MRPS16: variants seen among roughly 807,000 people sequenced by gnomAD.
The protein encoded by MRPS16 is mitochondrial ribosomal protein S16.
MRPS16 carries 5 observed loss-of-function variants against 11.0 expected under a neutral mutation model. That is an observed-to-expected ratio of 0.46 (90% CI 0.24 to 0.96). The LOEUF (loss-of-function observed/expected upper bound fraction) is 0.96, where lower values mean the gene tolerates loss of function less well. MRPS16 is among the 40% of genes least tolerant of loss of function. The pLI, the probability that MRPS16 is intolerant of heterozygous loss-of-function variation, is 0.20. For synonymous variants in MRPS16, 76 were observed against 65.0 expected (o/e 1.17, Z -0.81); for missense variants, 179 against 174.4 (o/e 1.03, Z -0.15).
chr10:73,252,640 C>A lies in MRPS16; in HGVS notation c.-158G>T. 9.8e-7 allele frequency: 1 copy of A among 1,023,140 alleles called. No individual in the cohort carries two copies. The highest frequency in any genetic ancestry group is 1.4e-6 in the Non-Finnish European group (1 of 691,468). 63.4% of individuals were successfully genotyped at this position (1,023,140 alleles called of 1,614,324 possible). On this transcript the variant is annotated 5_prime_UTR_variant, in exon 1 of 3. Coordinates refer to ENST00000372945, the MANE Select transcript of MRPS16 (RefSeq NM_016065.4). ...AGCCCGAAAACCTCGACTCCGGAAGCGGATGATCCGCTCGCCACGCCTCCT... is the reference window on the plus strand; with the variant it reads ...AGCCCGAAAACCTCGACTCCGGAAGAGGATGATCCGCTCGCCACGCCTCCT...
Position 73,251,882 on chromosome 10 carries a change from C to A in MRPS16, c.155G>T (p.Gly52Val), listed in dbSNP as rs766094473. ...PRDGRFVEQL[G>V]SYDPLPNSHG... ...ACTGTTGGGCAATGGATCATAGGAG[C>A]CCAGCTGCTCTACGAAACGGCCATC... Residue 52 changes from glycine to valine, a missense_variant, in exon 2 of 3, where the codon GGC becomes GTC. Coordinates refer to ENST00000372945, the MANE Select transcript of MRPS16 (RefSeq NM_016065.4). 1 of 1,614,118 alleles carries A rather than the reference C, an allele frequency of 6.2e-7. No individual in the cohort carries two copies. The highest frequency in any genetic ancestry group is 1.1e-5 in the South Asian group (1 of 91,074).
Position 73,252,539 on chromosome 10 carries a change from A to G in MRPS16, c.-57T>C. The G allele has an allele frequency of 1.9e-6, 3 of 1,598,800 alleles. No homozygotes were observed. The highest frequency in any genetic ancestry group is 2.5e-6 in the Non-Finnish European group (3 of 1,177,658). On this transcript the variant is annotated 5_prime_UTR_variant, in exon 1 of 3. Coordinates refer to ENST00000372945, the MANE Select transcript of MRPS16 (RefSeq NM_016065.4). ...CCCGCTACCCGCACGCACCAGCTCT[A>G]CGGCCTTGGCAGGGCAGAGAACAAA...
intron 2 of MRPS16, among the ~76,000 whole-genome samples, chr10:73,251,497 T>A (rs1287963325): frequency 4.3e-4 from 65 of 151,974 alleles, no homozygotes. Context: ...TGCCTCAGCC[T>A]CCCCAGTAGC....
chr10:73,249,343 A>G lies in MRPS16; in HGVS notation c.*1509T>C. 6.5e-7 allele frequency: 1 copy of G among 1,532,876 alleles called. No individual in the cohort carries two copies. Among genetic ancestry groups the G allele is most frequent in the Non-Finnish European group, 8.8e-7 (1 of 1,142,430 alleles). The allele number at this position is 1,532,876 out of a possible 1,614,324, so 95.0% of individuals were successfully genotyped here. A position where few individuals can be genotyped will look rare whatever the true frequency, so the allele number is the denominator to read the frequency against. On this transcript the variant is annotated 3_prime_UTR_variant, in exon 3 of 3. Coordinates refer to ENST00000372945, the MANE Select transcript of MRPS16 (RefSeq NM_016065.4). ...CCTAAGAATGGTTGTGAGTCAAATA[A>G]AAAAGTAGAACTAAAGTATACTGAA...
In MRPS16 at chr10:73,250,506, G is replaced by A; in HGVS notation, c.*346C>T. 2.9e-6 allele frequency: 1 copy of A among 350,464 alleles called. No homozygotes were observed. The allele number at this position is 350,464 out of a possible 1,614,324, so 21.7% of individuals were successfully genotyped here. The stretch of plus-strand genomic sequence containing the variant: ...TGGGATGAACATGAAGATCTGAATG[G>A]GCCATGAATAGTCTGGCTGGGGGTT... On this transcript the variant is annotated 3_prime_UTR_variant, in exon 3 of 3. Transcript: ENST00000372945.
Position 73,251,792 on chromosome 10 carries a change from T to G in MRPS16, c.245A>C (p.His82Pro). Residue 82 changes from histidine (H) to proline (P), a missense_variant, in exon 2 of 3, where the codon CAC becomes CCC. Transcript: ENST00000372945. ...AAGCTTTTCCATAGGCTTAGAGAGGTGGGCCCCGCAGCCAATCCAATGACG... is the reference window on the plus strand; with the variant it reads ...AAGCTTTTCCATAGGCTTAGAGAGGGGGGCCCCGCAGCCAATCCAATGACG... ...RIRHWIGCGAHLSKPMEKLLG... is the reference protein window; with the variant it reads ...RIRHWIGCGAPLSKPMEKLLG... The G allele has an allele frequency of 1.9e-6, 3 of 1,614,050 alleles. No homozygotes were observed. The highest frequency in any genetic ancestry group is 1.6e-4 in the Middle Eastern group (1 of 6,062).
At position 73,252,003 on chromosome 10, in the gene MRPS16, A is replaced by G. The variant is rs7905009; in HGVS notation, c.34T>C (p.Tyr12His). ...CGGATGGTTAAGTGGCCCCCACGGT[A>G]GGCCTTGCAGAGGAGAGTAGCTGTA... is the stretch of plus-strand genomic sequence containing the variant. ...VHLTTLLCKA[Y>H]RGGHLTIRLA... Residue 12 changes from tyrosine to histidine, a missense_variant, in exon 2 of 3, where the codon TAC becomes CAC. By Grantham distance (83) the Tyr-to-His change is moderately conservative. Coordinates refer to ENST00000372945, the MANE Select transcript of MRPS16 (RefSeq NM_016065.4). 17,532 of 1,613,948 alleles carry G rather than the reference A, an allele frequency of 0.011. 933 individuals are homozygous for G. The African/African-American group carries it at 0.15, about 14-fold the overall frequency.
Position 73,250,953 on chromosome 10 carries a change from T to G in MRPS16, c.313A>C (p.Thr105Pro). 1 of 1,614,214 alleles carries G rather than the reference T, an allele frequency of 6.2e-7. No homozygotes were observed. ...GFFPLHPMMI[T>P]NAERLRRKRA... The stretch of plus-strand genomic sequence containing the variant: ...TTCCTTCGCAGTCTCTCAGCATTTG[T>G]GATCATCATAGGATGCAGAGGGAAA... Residue 105 changes from threonine to proline, a missense_variant, in exon 3 of 3, where the codon ACA becomes CCA. By Grantham distance (38) the Thr-to-Pro change is conservative. Coordinates refer to ENST00000372945, the MANE Select transcript of MRPS16 (RefSeq NM_016065.4).
At position 73,249,366 on chromosome 10, in the gene MRPS16, GAA is replaced by G. The variant is rs1321686144; in HGVS notation, c.*1484_*1485del. 6.6e-7 allele frequency: 1 copy of G among 1,511,278 alleles called. No homozygotes were observed. Among genetic ancestry groups the G allele is most frequent in the South Asian group, 1.2e-5 (1 of 82,078 alleles). The allele number at this position is 1,511,278 out of a possible 1,614,324, so 93.6% of individuals were successfully genotyped here. A position where few individuals can be genotyped will look rare whatever the true frequency, so the allele number is the denominator to read the frequency against. On this transcript the variant is annotated 3_prime_UTR_variant, in exon 3 of 3. Transcript: ENST00000372945. ...TAAAAAAGTAGAACTAAAGTATACT[GAA>G]GTTATTCAAATACATTCAAACTATA...
Position 73,250,925 on chromosome 10 carries a change from C to T in MRPS16, c.341G>A (p.Arg114Gln), listed in dbSNP as rs778664879. The T allele has an allele frequency of 3.7e-6, 6 of 1,614,028 alleles. No homozygotes were observed. The highest frequency in any genetic ancestry group is 1.3e-5 in the African/African-American group (1 of 74,910). Residue 114 changes from arginine to glutamine, a missense_variant, in exon 3 of 3, where the codon CGG (arginine) becomes CAG (glutamine). Arg to Gln is a conservative substitution (Grantham distance 43). Coordinates refer to ENST00000372945, the MANE Select transcript of MRPS16 (RefSeq NM_016065.4). ...AGAAGCTAACAGGACTTCACGTGCC[C>T]GTTTCCTTCGCAGTCTCTCAGCATT... ...ITNAERLRRKRAREVLLASQK... is the reference protein window; with the variant it reads ...ITNAERLRRKQAREVLLASQK...
Position 73,250,794 on chromosome 10 carries a change from G to C in MRPS16, c.*58C>G. 1 of 1,599,928 alleles carries C rather than the reference G, an allele frequency of 6.3e-7. No individual in the cohort carries two copies. ...ATCTAACAAAATTAAGATCGCTGCA[G>C]TGTTTCAAAAGGACCTTGACCTTGT... On this transcript the variant is annotated 3_prime_UTR_variant, in exon 3 of 3. Coordinates refer to ENST00000372945, the MANE Select transcript of MRPS16 (RefSeq NM_016065.4).
Position 73,249,183 on chromosome 10 carries a change from G to C in MRPS16, c.*1669C>G. The C allele has an allele frequency of 8.9e-7, 1 of 1,123,188 alleles. No individual in the cohort carries two copies. Among genetic ancestry groups the C allele is most frequent in the Non-Finnish European group, 1.3e-6 (1 of 773,008 alleles). The allele number at this position is 1,123,188 out of a possible 1,614,324, so 69.6% of individuals were successfully genotyped here. A position where few individuals can be genotyped will look rare whatever the true frequency, so the allele number is the denominator to read the frequency against. On this transcript the variant is annotated 3_prime_UTR_variant, in exon 3 of 3. Coordinates refer to ENST00000372945, the MANE Select transcript of MRPS16 (RefSeq NM_016065.4). ...TCCTTCCACCTCAGCCTCCCAAAGT[G>C]CTGAGATTACAGGTGTGAGCCACTG... is the stretch of plus-strand genomic sequence containing the variant.
chr10:73,251,983 G>A lies in MRPS16; in HGVS notation c.54C>T (p.Thr18=), dbSNP rs1213454409. ...TGCAGCCACCCAGGGCAAGGCGGAT[G>A]GTTAAGTGGCCCCCACGGTAGGCCT... is the stretch of plus-strand genomic sequence containing the variant. ...LCKAYRGGHL[T]IRLALGGCTN... is the part of the protein sequence containing the mutation. The change falls in exon 2 of 3, where the codon ACC becomes ACT. Residue 18 remains threonine, a synonymous_variant. Transcript: ENST00000372945. 1 of 1,614,078 alleles carries A rather than the reference G, an allele frequency of 6.2e-7. No individual in the cohort carries two copies. The highest frequency in any genetic ancestry group is 8.5e-7 in the Non-Finnish European group (1 of 1,180,026).
In MRPS16 at chr10:73,250,966, A is replaced by T. The variant is rs777579323; in HGVS notation, c.300T>A (p.His100Gln). The stretch of plus-strand genomic sequence containing the variant: ...TCTCAGCATTTGTGATCATCATAGG[A>T]TGCAGAGGGAAAAAGCCAGCAAGAC... ...LLGLAGFFPL[H>Q]PMMITNAERL... The change falls in exon 3 of 3, where the codon CAT (histidine) becomes CAA (glutamine). Residue 100 changes from histidine (H) to glutamine (Q), a missense_variant. Physicochemically the swap from His to Gln is conservative, Grantham distance 24. Transcript: ENST00000372945. 16 of 1,614,168 alleles carry T rather than the reference A, an allele frequency of 9.9e-6. No homozygotes were observed. The highest frequency in any genetic ancestry group is 1.4e-5 in the Non-Finnish European group (16 of 1,180,014).
chr10:73,251,656 C>T, intron 2 of MRPS16, 107 bp downstream of exon 2: 2 of 1,505,780 alleles, frequency 1.3e-6, no homozygotes, highest in Non-Finnish European at 9.2e-7. Flanking sequence ...GCTGAGATTA[C>T]AGGCGTGAGC....
intron 2 of MRPS16, 100 bp downstream of exon 2, chr10:73,251,663 G>A: frequency 1.3e-6 from 2 of 1,543,006 alleles, no homozygotes; most frequent in Admixed American, 3.3e-5. Context: ...TTACAGGCGT[G>A]AGCCACCGTG....
chr10:73,249,415 G>A lies in MRPS16; in HGVS notation c.*1437C>T. 1 of 1,227,610 alleles carries A rather than the reference G, an allele frequency of 8.1e-7. No individual in the cohort carries two copies. Among genetic ancestry groups the A allele is most frequent in the Admixed American group, 2.4e-5 (1 of 41,652 alleles). The allele number at this position is 1,227,610 out of a possible 1,614,324, so 76.0% of individuals were successfully genotyped here. ...TATAAAGATCCCTTATAGATTACTG[G>A]CATCAAGGTAGGAAGGAAAAGATAC... On this transcript the variant is annotated 3_prime_UTR_variant, in exon 3 of 3. Transcript: ENST00000372945.
chr10:73,252,297 T>A, intron 1 of MRPS16, 173 bp downstream of exon 1: 1 of 1,166,510 alleles, frequency 8.6e-7, no homozygotes, highest in Non-Finnish European at 1.2e-6. Flanking sequence ...GGTGGAAATT[T>A]TTCAGCGGTG....
chr10:73,252,422 C>G (rs375981670), intron 1 of MRPS16, 48 bp downstream of exon 1: 2 of 1,608,044 alleles, frequency 1.2e-6, no homozygotes, highest in African/African-American at 1.3e-5. Flanking sequence ...CCCGAACTCC[C>G]GAGCCCCGTG....
Sources: gnomAD v4.1 joint callset for allele counts (sites outside exome capture counted in the v4.1 genomes callset) on GRCh38, gnomAD v4.1.1 for gene constraint, MANE v1.5 for transcripts, NCBI Gene and HGNC (gene_info 2026-07-23, HGNC 2026-07-21) for gene names.